TRAPPC9: variants seen among roughly 807,000 people sequenced by gnomAD.
TRAPPC9 encodes IKK2 binding protein.
In TRAPPC9, 83 loss-of-function variants were observed where a neutral mutation model predicts 124.0. The ratio of observed to expected loss-of-function variants is 0.67; its 90% CI spans 0.56 to 0.80. TRAPPC9 has a LOEUF of 0.80. TRAPPC9 is among the 30% of genes least tolerant of loss of function. TRAPPC9 has a pLI of 0.00. For synonymous variants in TRAPPC9, 638 were observed against 617.5 expected (o/e 1.03, Z -0.49); for missense variants, 1,302 against 1,508.3 (o/e 0.86, Z 2.27).
chr8:140,408,074 A>G (rs2069558903), intron 5 of TRAPPC9, among the ~76,000 whole-genome samples: 1 of 152,234 alleles, frequency 6.6e-6, no homozygotes, highest in Non-Finnish European at 1.5e-5. Flanking sequence ...AAGACTAATA[A>G]GTTCTAGAAA....
chr8:140,421,257 T>C (rs943637910), intron 5 of TRAPPC9, among the ~76,000 whole-genome samples: 6 of 152,070 alleles, frequency 3.9e-5, no homozygotes, highest in Non-Finnish European at 8.8e-5. Context: ...CACATATATA[T>C]AAAGTCTACC....
intron 19 of TRAPPC9, among the ~76,000 whole-genome samples, chr8:139,957,473 G>A (rs539656970): frequency 1.4e-3 from 209 of 152,336 alleles, no homozygotes; most frequent in Admixed American, 2.4e-3. Flanking sequence ...CCTGTCACAA[G>A]TTGACTCTGG....
chr8:140,287,863 A>G (rs2065537015), intron 12 of TRAPPC9, 129 bp from the exon 13 acceptor site: 19 of 1,350,960 alleles, frequency 1.4e-5, no homozygotes, highest in Non-Finnish European at 1.8e-5. Flanking sequence ...CAGTCTTCAC[A>G]GAGAACTTCG....
chr8:139,794,819 C>T (rs1425838835), intron 21 of TRAPPC9, among the ~76,000 whole-genome samples: 1 of 152,200 alleles, frequency 6.6e-6, no homozygotes, highest in African/African-American at 2.4e-5. Flanking sequence ...GTGGGAGTCG[C>T]CTACCATTCT....
intron 18 of TRAPPC9, among the ~76,000 whole-genome samples, chr8:140,017,488 T>TC (rs1344692199): frequency 2.0e-5 from 3 of 152,198 alleles, no homozygotes; most frequent in Admixed American, 1.3e-4. Context: ...GACTTTTCTT[T>TC]CCCCATGAAA....
At chr8:139,781,743 G>C (rs1821836095) in intron 21 of TRAPPC9, among the ~76,000 whole-genome samples, 3 of 152,114 alleles carry the variant, frequency 2.0e-5, no homozygotes, top group Non-Finnish European at 1.5e-5. Context: ...TGTGCGGTGG[G>C]AGGGAGGGGT....
intron 19 of TRAPPC9, among the ~76,000 whole-genome samples, chr8:139,939,945 C>T (rs1833800547): frequency 6.6e-6 from 1 of 152,238 alleles, no homozygotes. Flanking sequence ...AGCTCCAGCT[C>T]CTGATCTCTC....
chr8:140,250,403 C>T (rs78091315), intron 16 of TRAPPC9, among the ~76,000 whole-genome samples: 3,508 of 152,206 alleles, frequency 0.023, 128 homozygotes, highest in African/African-American at 0.08. Context: ...ATAATTAATG[C>T]GAGTCCATGC....
At chr8:139,765,069 C>A (rs1176379128) in intron 21 of TRAPPC9, among the ~76,000 whole-genome samples, 1 of 152,214 alleles carries the variant, frequency 6.6e-6, no homozygotes, top group Non-Finnish European at 1.5e-5. Flanking sequence ...TCCAAGCCAA[C>A]GCTTGGGTTC....
intron 21 of TRAPPC9, among the ~76,000 whole-genome samples, chr8:139,752,775 CATCT>C (rs1393187293): frequency 3.0e-4 from 45 of 150,898 alleles, no homozygotes; most frequent in African/African-American, 8.3e-4. Flanking sequence ...TCCATCCATC[CATCT>C]ATCTATATAC....
At chr8:140,426,331 T>C (rs1441526998) in intron 5 of TRAPPC9, among the ~76,000 whole-genome samples, 1 of 152,220 alleles carries the variant, frequency 6.6e-6, no homozygotes, top group Non-Finnish European at 1.5e-5. Context: ...AGGACAAACA[T>C]GCTCAATGCA....
rs893800506 is a variant in TRAPPC9 at position 139,788,204 on chromosome 8, G to T, written c.3056-56002C>A. ...AACCCACATGCCCCTCTTGGCGCCT[G>T]GCAGGGCAGCCCCTCCTGTGGCCCA... On this transcript the variant is annotated intron_variant, in intron 21 of 22. Transcript: ENST00000438773. This position sits in a 1 kb window ranked among gnomAD's most constrained non-coding sequence, Gnocchi z 4.9. Among the ~76,000 whole-genome samples, 1 of 152,196 alleles carries T rather than the reference G, an allele frequency of 6.6e-6. No homozygotes were observed. The highest frequency in any genetic ancestry group is 2.4e-5 in the African/African-American group (1 of 41,464).
At chr8:139,893,461 G>T (rs1275767459) in intron 20 of TRAPPC9, among the ~76,000 whole-genome samples, 4 of 152,232 alleles carry the variant, frequency 2.6e-5, no homozygotes, top group Admixed American at 2.0e-4. Context: ...TTTCGAGCGT[G>T]ATCCAGCAAT....
chr8:140,408,033 TG>T (rs1253402470), intron 5 of TRAPPC9, among the ~76,000 whole-genome samples: 1 of 152,206 alleles, frequency 6.6e-6, no homozygotes. Context: ...GAGAGCTTAG[TG>T]GGTCAGACCA....
intron 2 of TRAPPC9, among the ~76,000 whole-genome samples, chr8:140,442,964 C>G (rs2071080485): frequency 1.3e-5 from 2 of 150,064 alleles, no homozygotes; most frequent in South Asian, 4.2e-4. Context: ...GAAACCCCAT[C>G]TCTACTAAAA....
intron 3 of TRAPPC9, among the ~76,000 whole-genome samples, chr8:140,437,823 C>T (rs1266995716): frequency 6.6e-6 from 1 of 152,132 alleles, no homozygotes; most frequent in Admixed American, 6.5e-5. Flanking sequence ...TCCATCCTCC[C>T]AGGACCACCT....
At chr8:140,445,200 C>T (rs778738261) in intron 2 of TRAPPC9, among the ~76,000 whole-genome samples, 10 of 152,228 alleles carry the variant, frequency 6.6e-5, no homozygotes, top group Admixed American at 1.3e-4. Flanking sequence ...TCGAGTCACA[C>T]TCTCAGACAG....
At chr8:140,323,912 A>G (rs371503534) in intron 9 of TRAPPC9, among the ~76,000 whole-genome samples, 1 of 152,034 alleles carries the variant, frequency 6.6e-6, no homozygotes, top group African/African-American at 2.4e-5. Context: ...TTTTATTTGC[A>G]TAGGTTTTCG....
At chr8:139,832,463 C>G (rs372642999) in intron 21 of TRAPPC9, among the ~76,000 whole-genome samples, 2 of 152,178 alleles carry the variant, frequency 1.3e-5, no homozygotes, top group African/African-American at 4.8e-5. Flanking sequence ...TGGCCCGAAG[C>G]AGGGGAGGCT....
Sources: allele counts gnomAD v4.1 joint callset (sites outside exome capture counted in the v4.1 genomes callset), GRCh38; gene constraint gnomAD v4.1.1; non-coding constraint Gnocchi (gnomAD v3.1); transcripts MANE v1.5; gene names NCBI Gene and HGNC (gene_info 2026-07-23, HGNC 2026-07-21).